Variants in TTC3 observed in about 807,000 individuals in gnomAD.
TTC3 encodes E3 ubiquitin-protein ligase TTC3.
A neutral mutation model predicts 249.6 loss-of-function variants in TTC3; 180 were observed. The observed-to-expected ratio is 0.72, with a 90% CI of 0.64 to 0.82. TTC3 has a LOEUF of 0.82. Ranked by LOEUF, TTC3 falls within the 40% of genes least tolerant of loss-of-function variation. TTC3 has a pLI of 0.00. For missense variants in TTC3, 2,061 were observed against 2,398.4 expected (o/e 0.86, Z 2.94); for synonymous variants, 717 against 805.0 (o/e 0.89, Z 1.85).
Position 37,196,012 on chromosome 21 carries a change from C to A in TTC3, c.5555C>A (p.Ser1852Ter). ...TTCAATAGTATTATTGAGCACCTGT[C>A]AGTGGTATTCCCATGTTACAACAGG... is the stretch of plus-strand genomic sequence containing the variant. The change falls in exon 42 of 46, where the codon TCA (serine) becomes TAA (stop). Residue 1852 changes from serine to a stop codon, truncating the protein, a stop_gained. Transcript: ENST00000355666. LOFTEE classifies it high-confidence loss of function. 1 of 1,614,100 alleles carries A rather than the reference C, an allele frequency of 6.2e-7. No individual in the cohort carries two copies. Among genetic ancestry groups the A allele is most frequent in the South Asian group, 1.1e-5 (1 of 91,062 alleles).
intron 21 of TTC3, among the ~76,000 whole-genome samples, chr21:37,146,295 A>G (rs1159720683): frequency 1.3e-5 from 2 of 152,104 alleles, no homozygotes; most frequent in African/African-American, 2.4e-5. Context: ...TTGGGAGGCC[A>G]AGGCAGGAGG....
Position 37,154,181 on chromosome 21 carries a change from G to A in TTC3, c.2740+904G>A, listed in dbSNP as rs189447865. On this transcript the variant is annotated intron_variant, in intron 27 of 45. Transcript: ENST00000355666. The stretch of plus-strand genomic sequence containing the variant: ...AGCACAATAGTTCATTCAGTCGGCA[G>A]CTATTAGATAAGAGGCTAAAGTACG... Among the ~76,000 whole-genome samples the A allele has an allele frequency of 3.3e-5, 5 of 152,318 alleles. No homozygotes were observed. The East Asian group carries it at 9.6e-4, about 29-fold the overall frequency.
chr21:37,161,942 G>T, intron 30 of TTC3, 48 bp from the exon 31 acceptor site: 2 of 1,327,858 alleles, frequency 1.5e-6, no homozygotes, highest in South Asian at 1.5e-5. Flanking sequence ...CTCTTTAATG[G>T]AATTTTAAGG....
intron 7 of TTC3, among the ~76,000 whole-genome samples, chr21:37,092,837 AT>A (rs1338813198): frequency 1.3e-5 from 2 of 152,156 alleles, no homozygotes; most frequent in East Asian, 3.9e-4. Context: ...TCCTTTTTAT[AT>A]AATAGCTTAC....
At chr21:37,180,852 AAAAATT>A (rs1274945065) in intron 35 of TTC3, among the ~76,000 whole-genome samples, 1 of 151,984 alleles carries the variant, frequency 6.6e-6, no homozygotes, top group African/African-American at 2.4e-5. Flanking sequence ...GTAAAAAAAA[AAAAATT>A]AAATATTTAT....
chr21:37,119,471 C>G lies in TTC3; in HGVS notation c.901-2346C>G, dbSNP rs529209427. On this transcript the variant is annotated intron_variant, in intron 11 of 45. Transcript: ENST00000355666. Reference sequence around the variant, plus strand: ...TCCCCCAGGGATGTGCTGATCAGTACTTAGCTGAAGACTCAAGGGGTCCCT... The same window carrying G: ...TCCCCCAGGGATGTGCTGATCAGTAGTTAGCTGAAGACTCAAGGGGTCCCT... Among the ~76,000 whole-genome samples, 51 of 152,274 alleles carry G rather than the reference C, an allele frequency of 3.3e-4. 1 individual carries two copies. Among genetic ancestry groups the G allele is most frequent in the South Asian group, 2.1e-3 (10 of 4,824 alleles).
In TTC3 at chr21:37,200,175, G is replaced by C. The variant is rs367696189; in HGVS notation, c.5851-57G>C. ...TGAAGGCCACTTGAAGGAAGAACTC[G>C]TGTCATAAAAACAACTGTAGTTATT... is the stretch of plus-strand genomic sequence containing the variant. On this transcript the variant is annotated intron_variant, in intron 44 of 45. Coordinates refer to ENST00000355666, the Ensembl canonical transcript of TTC3. 2.9e-4 allele frequency: 443 copies of C among 1,529,558 alleles called. 4 individuals carry two copies. In the East Asian group the frequency reaches 4.2e-3, roughly 14 times the overall value. The allele number at this position is 1,529,558 out of a possible 1,614,324, so 94.7% of individuals were successfully genotyped here. A position where few individuals can be genotyped will look rare whatever the true frequency, so the allele number is the denominator to read the frequency against.
At chr21:37,169,521 G>A (rs909139420) in intron 34 of TTC3, among the ~76,000 whole-genome samples, 1 of 151,836 alleles carries the variant, frequency 6.6e-6, no homozygotes, top group African/African-American at 2.4e-5. Context: ...TCCAGCCTGG[G>A]CGACAGAGTG....
intron 23 of TTC3, 83 bp from the exon 24 acceptor site, chr21:37,149,995 A>T: frequency 1.0e-6 from 1 of 973,604 alleles, no homozygotes; most frequent in Non-Finnish European, 1.5e-6. Context: ...GACTGTTCCT[A>T]GTGGTAAAAA....
At chr21:37,108,546 A>G (rs1970034850) in intron 11 of TTC3, 100 bp downstream of exon 11, 5 of 1,144,116 alleles carry the variant, frequency 4.4e-6, no homozygotes, top group Non-Finnish European at 6.2e-6. Context: ...GCTATATGAA[A>G]TTACGTAGAG....
intron 18 of TTC3, among the ~76,000 whole-genome samples, chr21:37,137,002 G>A (rs2078004687): frequency 6.6e-6 from 1 of 152,172 alleles, no homozygotes. Flanking sequence ...ATGAATGGCA[G>A]CACATCTGTT....
chr21:37,138,918 A>G (rs189720172), intron 19 of TTC3, among the ~76,000 whole-genome samples: 101 of 152,274 alleles, frequency 6.6e-4, no homozygotes, highest in Middle Eastern at 6.8e-3. Flanking sequence ...GTGGGAATCT[A>G]CTTTTTATTT....
intron 2 of TTC3, 30 bp downstream of exon 2, chr21:37,087,431 G>T: frequency 1.2e-6 from 2 of 1,611,804 alleles, no homozygotes; most frequent in South Asian, 1.1e-5. Flanking sequence ...TTTCATTTTT[G>T]ACATTGTGTA....
chr21:37,131,294 A>G (rs56159085), intron 16 of TTC3, among the ~76,000 whole-genome samples: 18,825 of 152,064 alleles, frequency 0.12, 1,326 homozygotes, highest in Admixed American at 0.16. Context: ...CTCCAAGGAG[A>G]GGAGGGGGGC....
chr21:37,176,594 T>G (rs2082303721), intron 35 of TTC3, among the ~76,000 whole-genome samples: 2 of 152,246 alleles, frequency 1.3e-5, no homozygotes, highest in African/African-American at 4.8e-5. Flanking sequence ...TCTTCAGTCA[T>G]GGGTCCTTGT....
At chr21:37,094,315 A>G (rs3753073) in intron 8 of TTC3, among the ~76,000 whole-genome samples, 53,573 of 152,058 alleles carry the variant, frequency 0.35, 10,950 homozygotes, top group Non-Finnish European at 0.47. Context: ...GAGTTGAAGA[A>G]ATATGATTTT....
chr21:37,109,434 G>A (rs1331162011), intron 11 of TTC3, among the ~76,000 whole-genome samples: 1 of 152,236 alleles, frequency 6.6e-6, no homozygotes, highest in Non-Finnish European at 1.5e-5. Flanking sequence ...TGGCTCGGAG[G>A]GTCCTACGCC....
intron 41 of TTC3, among the ~76,000 whole-genome samples, chr21:37,195,252 G>T (rs2084747247): frequency 6.6e-6 from 1 of 152,188 alleles, no homozygotes; most frequent in African/African-American, 2.4e-5. Context: ...CCTGAGAGCT[G>T]CCAGGAGAGC....
chr21:37,079,677 G>A (rs9981207), intron 1 of TTC3, among the ~76,000 whole-genome samples: 68,803 of 150,794 alleles, frequency 0.46, 16,181 homozygotes, highest in Non-Finnish European at 0.52. Flanking sequence ...GATTACAGCC[G>A]TGCGCCACCA....
Sources: allele counts gnomAD v4.1 joint callset (sites outside exome capture counted in the v4.1 genomes callset), GRCh38; gene constraint gnomAD v4.1.1; transcripts MANE v1.5; gene names NCBI Gene and HGNC (gene_info 2026-07-23, HGNC 2026-07-21).